The following SLC24A2 variants were observed in gnomAD, a reference collection of about 807,000 sequenced individuals.
SLC24A2 encodes the protein solute carrier family 24 member 2, also known as sodium/potassium/calcium exchanger 2.
Under a neutral mutation model 62.0 loss-of-function variants are expected in SLC24A2, and 36 were observed. The ratio of observed to expected loss-of-function variants is 0.58; its 90% CI spans 0.44 to 0.77. The LOEUF (loss-of-function observed/expected upper bound fraction) is 0.77, where lower values mean the gene tolerates loss of function less well. Ranked by LOEUF, SLC24A2 falls within the 30% of genes least tolerant of loss-of-function variation. The pLI is 0.00. For synonymous variants in SLC24A2, 358 were observed against 294.0 expected (o/e 1.22, Z -2.23); for missense variants, 846 against 817.9 (o/e 1.03, Z -0.42).
At chr9:19,597,367 C>A in intron 4 of SLC24A2, 88 bp from the exon 5 acceptor site, 1 of 904,086 alleles carries the variant, frequency 1.1e-6, no homozygotes, top group East Asian at 2.4e-5. Flanking sequence ...TAATCAGATT[C>A]AGAGTTATAC....
At chr9:19,726,284 A>G (rs113403906) in intron 2 of SLC24A2, among the ~76,000 whole-genome samples, 1 of 152,248 alleles carries the variant, frequency 6.6e-6, no homozygotes, top group African/African-American at 2.4e-5. Context: ...CCTGGAAAGG[A>G]ATATAACTTC....
the SLC24A2 span, among the ~76,000 whole-genome samples, chr9:19,893,491 G>A: frequency 6.6e-6 from 1 of 152,144 alleles, no homozygotes; most frequent in African/African-American, 2.4e-5. Flanking sequence ...CATGGAGCAG[G>A]AATTTTGAAT....
At chr9:19,819,993 G>GTATATA in the SLC24A2 span, among the ~76,000 whole-genome samples, 47 of 123,854 alleles carry the variant, frequency 3.8e-4, 1 homozygote, top group African/African-American at 1.5e-3. Context: ...AGAAACTGCA[G>GTATATA]TATATATATA....
chr9:20,248,092 C>A, the SLC24A2 span, among the ~76,000 whole-genome samples: 1 of 152,174 alleles, frequency 6.6e-6, no homozygotes, highest in African/African-American at 2.4e-5. Context: ...ACTAAATAAC[C>A]GTGTGTTCTT....
upstream of SLC24A2, among the ~76,000 whole-genome samples, chr9:19,790,091 A>T (rs112649785): frequency 7.7e-3 from 1,147 of 148,166 alleles, 8 homozygotes; most frequent in African/African-American, 0.025. Flanking sequence ...GGCATTCAAG[A>T]CTCAACTTTT....
At chr9:19,656,607 G>A (rs905492641) in intron 2 of SLC24A2, among the ~76,000 whole-genome samples, 1 of 152,090 alleles carries the variant, frequency 6.6e-6, no homozygotes, top group African/African-American at 2.4e-5. Flanking sequence ...AAATTCCTAT[G>A]TTTTTATCCC....
chr9:19,520,757 G>C, intron 10 of SLC24A2, 137 bp downstream of exon 10: 1 of 800,140 alleles, frequency 1.2e-6, no homozygotes, highest in Non-Finnish European at 2.2e-6. Context: ...GAAATGCAAT[G>C]GTATTCTCAA....
intron 7 of SLC24A2, 44 bp downstream of exon 7, chr9:19,573,307 A>T: frequency 1.6e-6 from 2 of 1,282,304 alleles, no homozygotes; most frequent in Non-Finnish European, 2.3e-6. Flanking sequence ...CTAGGATATC[A>T]GTTAAGAACA....
chr9:19,690,848 T>C (rs1482218142), intron 2 of SLC24A2, among the ~76,000 whole-genome samples: 7 of 151,908 alleles, frequency 4.6e-5, no homozygotes, highest in South Asian at 4.2e-4. Flanking sequence ...TGGATTTCGA[T>C]AGAATGGAAA....
the SLC24A2 span, among the ~76,000 whole-genome samples, chr9:20,050,240 C>CAAAAAAA: frequency 3.4e-5 from 2 of 59,558 alleles, no homozygotes; most frequent in African/African-American, 6.0e-5. Flanking sequence ...CCCGTCTCTA[C>CAAAAAAA]AAAAAAAAAA....
intron 2 of SLC24A2, among the ~76,000 whole-genome samples, chr9:19,665,438 C>T (rs1320310042): frequency 1.3e-5 from 2 of 151,894 alleles, no homozygotes; most frequent in East Asian, 1.9e-4. Context: ...TTTATGCCAT[C>T]GTGAGAAAGG....
the SLC24A2 span, among the ~76,000 whole-genome samples, chr9:19,915,770 T>C: frequency 6.6e-6 from 1 of 152,102 alleles, no homozygotes; most frequent in Non-Finnish European, 1.5e-5. Context: ...TTGTCCATCT[T>C]TTAATTGGGT....
At chr9:20,096,815 G>A in the SLC24A2 span, among the ~76,000 whole-genome samples, 28 of 151,366 alleles carry the variant, frequency 1.8e-4, no homozygotes, top group African/African-American at 6.3e-4. Flanking sequence ...TTTTGTTATC[G>A]TTCTGTTGTT....
At chr9:19,671,801 T>C (rs1819426416) in intron 2 of SLC24A2, among the ~76,000 whole-genome samples, 1 of 120,054 alleles carries the variant, frequency 8.3e-6, no homozygotes, top group Non-Finnish European at 1.7e-5. Context: ...TTCCTGCATC[T>C]ATTGAGACGA....
intron 2 of SLC24A2, among the ~76,000 whole-genome samples, chr9:19,662,022 G>A (rs925693957): frequency 2.6e-5 from 4 of 152,148 alleles, no homozygotes; most frequent in African/African-American, 7.2e-5. Flanking sequence ...TTACAGTAGT[G>A]TTCAAGCTCC....
At chr9:19,631,707 A>C (rs1564007131) in intron 2 of SLC24A2, among the ~76,000 whole-genome samples, 1 of 152,184 alleles carries the variant, frequency 6.6e-6, no homozygotes, top group South Asian at 2.1e-4. Flanking sequence ...CATGAGGCAC[A>C]AAAGAATTGA....
chr9:19,729,357 C>T (rs1157920627), intron 2 of SLC24A2, among the ~76,000 whole-genome samples: 1 of 152,172 alleles, frequency 6.6e-6, no homozygotes, highest in Non-Finnish European at 1.5e-5. Flanking sequence ...ATCCAGCAAT[C>T]CCACTATTGG....
the SLC24A2 span, among the ~76,000 whole-genome samples, chr9:19,811,797 C>A: frequency 2.6e-5 from 4 of 151,960 alleles, no homozygotes; most frequent in African/African-American, 9.7e-5. Flanking sequence ...TATTTTAAAC[C>A]TTGCAAGACA....
chr9:19,612,740 G>A (rs928297738), intron 4 of SLC24A2, among the ~76,000 whole-genome samples: 1 of 151,108 alleles, frequency 6.6e-6, no homozygotes, highest in East Asian at 1.9e-4. Context: ...AGCTGGGTAT[G>A]GTGTCTTGTA....
Sources: allele counts gnomAD v4.1 joint callset (sites outside exome capture counted in the v4.1 genomes callset), GRCh38; gene constraint gnomAD v4.1.1; transcripts MANE v1.5; gene names NCBI Gene and HGNC (gene_info 2026-07-23, HGNC 2026-07-21).